The following ZBTB20 variants were observed in gnomAD, a reference collection of about 807,000 sequenced individuals.
ZBTB20 encodes zinc finger and BTB domain-containing protein 20.
A neutral mutation model predicts 56.9 loss-of-function variants in ZBTB20; 9 were observed. That is an observed-to-expected ratio of 0.16 (90% CI 0.10 to 0.28). The LOEUF (loss-of-function observed/expected upper bound fraction) is 0.28, where lower values mean the gene tolerates loss of function less well. Ranked by LOEUF, ZBTB20 falls within the 10% of genes least tolerant of loss-of-function variation. The pLI is 1.00. For synonymous variants in ZBTB20, 417 were observed against 420.7 expected (o/e 0.99, Z 0.11); for missense variants, 655 against 1,003.0 (o/e 0.65, Z 4.69).
In ZBTB20 at chr3:114,335,715, C is replaced by T. The variant is rs1353992312; in HGVS notation, c.*3290G>A. 1 of 152,302 alleles carries T rather than the reference C, an allele frequency of 6.6e-6. No individual in the cohort carries two copies. Among genetic ancestry groups the T allele is most frequent in the African/African-American group, 2.4e-5 (1 of 41,566 alleles). The allele number at this position is 152,302 out of a possible 1,614,324, so 9.4% of individuals were successfully genotyped here. A position where few individuals can be genotyped will look rare whatever the true frequency, so the allele number is the denominator to read the frequency against. On this transcript the variant is annotated 3_prime_UTR_variant, in exon 12 of 12. Transcript: ENST00000675478. ...TAAATGTACAGTAGGAATATGTCTA[C>T]TGCTATGCAAACCTGGCTGGTCCAT...
intron 2 of ZBTB20, among the ~76,000 whole-genome samples, chr3:114,999,004 G>A (rs1185453532): frequency 6.8e-6 from 1 of 146,712 alleles, no homozygotes; most frequent in Non-Finnish European, 1.5e-5. Flanking sequence ...GGGAAAAGGA[G>A]GGGAAAGGAG....
At chr3:114,494,811 TA>T (rs2043104237) in intron 7 of ZBTB20, among the ~76,000 whole-genome samples, 1 of 152,248 alleles carries the variant, frequency 6.6e-6, no homozygotes, top group Admixed American at 6.5e-5. Flanking sequence ...CCAACCTTTA[TA>T]AAAATTTTGG....
At chr3:114,374,740 T>C (rs1165142606) in intron 10 of ZBTB20, among the ~76,000 whole-genome samples, 1 of 152,236 alleles carries the variant, frequency 6.6e-6, no homozygotes, top group Non-Finnish European at 1.5e-5. Context: ...TGTTTGATTA[T>C]ACATTTTGAA....
chr3:114,415,014 C>G (rs945096552), intron 7 of ZBTB20, among the ~76,000 whole-genome samples: 1 of 151,756 alleles, frequency 6.6e-6, no homozygotes, highest in Non-Finnish European at 1.5e-5. Context: ...CAACTCATAG[C>G]TTTCACAAAT....
intron 3 of ZBTB20, among the ~76,000 whole-genome samples, chr3:114,970,206 A>T (rs1051227208): frequency 6.6e-6 from 1 of 152,032 alleles, no homozygotes; most frequent in East Asian, 1.9e-4. Flanking sequence ...CACAACTAAG[A>T]TTTTCCTTAA....
intron 5 of ZBTB20, among the ~76,000 whole-genome samples, chr3:114,707,304 C>G (rs2063774448): frequency 6.6e-6 from 1 of 152,052 alleles, no homozygotes; most frequent in Admixed American, 6.6e-5. Context: ...TTTTGCTAAC[C>G]AAATATGTGT....
intron 6 of ZBTB20, among the ~76,000 whole-genome samples, chr3:114,510,911 ACAGAC>A (rs2045292608): frequency 6.6e-6 from 1 of 152,108 alleles, no homozygotes; most frequent in East Asian, 1.9e-4. Context: ...ATTTGAAGGA[ACAGAC>A]TCATGTTTTT....
At position 114,352,944 on chromosome 3, in the gene ZBTB20, G is replaced by A. The variant is rs558831765; in HGVS notation, c.200-1066C>T. Among the ~76,000 whole-genome samples the A allele has an allele frequency of 5.9e-5, 9 of 152,278 alleles. No homozygotes were observed. In the South Asian group the frequency reaches 6.2e-4, roughly 11 times the overall value. The stretch of plus-strand genomic sequence containing the variant: ...AAGGCAACAGCTATGTGGAGGCTGC[G>A]GATAGCCTGACCCAGCGCCACCCTA... On this transcript the variant is annotated intron_variant, in intron 10 of 11. Transcript: ENST00000675478.
At chr3:115,131,967 G>C (rs550246256) in intron 1 of ZBTB20, among the ~76,000 whole-genome samples, 1 of 151,928 alleles carries the variant, frequency 6.6e-6, no homozygotes, top group African/African-American at 2.4e-5. Flanking sequence ...ATATGTTCTG[G>C]TATGTGTAAT....
intron 1 of ZBTB20, among the ~76,000 whole-genome samples, chr3:115,125,542 G>A (rs746781333): frequency 2.6e-5 from 4 of 152,144 alleles, no homozygotes; most frequent in Non-Finnish European, 5.9e-5. Context: ...CATAGAAGCA[G>A]AGAGAATGGT....
intron 7 of ZBTB20, among the ~76,000 whole-genome samples, chr3:114,475,518 C>A (rs1290313517): frequency 6.6e-6 from 1 of 152,020 alleles, no homozygotes; most frequent in African/African-American, 2.4e-5. Flanking sequence ...ACTTTACACA[C>A]AATCAAAACA....
chr3:114,918,664 A>G (rs2075837441), intron 3 of ZBTB20, among the ~76,000 whole-genome samples: 1 of 152,152 alleles, frequency 6.6e-6, no homozygotes, highest in Non-Finnish European at 1.5e-5. Flanking sequence ...TGTTATCTGG[A>G]AGCTAGTGCC....
chr3:114,883,202 A>C (rs75179201), intron 4 of ZBTB20, among the ~76,000 whole-genome samples: 9,351 of 152,224 alleles, frequency 0.061, 708 homozygotes, highest in African/African-American at 0.18. Context: ...ACAATAAACA[A>C]ATCTCTACTT....
At chr3:115,069,111 C>T (rs980235708) in intron 2 of ZBTB20, among the ~76,000 whole-genome samples, 1 of 152,078 alleles carries the variant, frequency 6.6e-6, no homozygotes, top group African/African-American at 2.4e-5. Flanking sequence ...CAGGTAAAAG[C>T]TTAATTCTCC....
chr3:114,711,323 T>A (rs2064063528), intron 5 of ZBTB20, among the ~76,000 whole-genome samples: 1 of 152,250 alleles, frequency 6.6e-6, no homozygotes, highest in Non-Finnish European at 1.5e-5. Context: ...TATAGGTACT[T>A]GATAGCTATT....
chr3:115,113,756 A>G (rs902027644), intron 1 of ZBTB20, among the ~76,000 whole-genome samples: 1 of 152,212 alleles, frequency 6.6e-6, no homozygotes, highest in African/African-American at 2.4e-5. Context: ...CAGCCACAGC[A>G]AAATGTGGAA....
chr3:114,691,378 C>T (rs2108313919), intron 6 of ZBTB20, among the ~76,000 whole-genome samples: 1 of 152,068 alleles, frequency 6.6e-6, no homozygotes, highest in African/African-American at 2.4e-5. Context: ...AGTCATTGTG[C>T]AAGCTGGTGA....
chr3:115,079,994 G>A (rs1174904430), intron 1 of ZBTB20, among the ~76,000 whole-genome samples: 2 of 152,254 alleles, frequency 1.3e-5, no homozygotes, highest in East Asian at 3.9e-4. Flanking sequence ...TTACAGATGA[G>A]GAAAATAGCT....
intron 1 of ZBTB20, among the ~76,000 whole-genome samples, chr3:115,113,335 G>A (rs1465024479): frequency 6.6e-6 from 1 of 152,194 alleles, no homozygotes; most frequent in Non-Finnish European, 1.5e-5. Flanking sequence ...GCATATAATT[G>A]ATGGGTGAAT....
Sources: allele counts gnomAD v4.1 joint callset (sites outside exome capture counted in the v4.1 genomes callset), GRCh38; gene constraint gnomAD v4.1.1; transcripts MANE v1.5; gene names NCBI Gene and HGNC (gene_info 2026-07-23, HGNC 2026-07-21).